Variants in SRGAP1 observed in about 807,000 individuals in gnomAD.
SRGAP1 encodes the protein SLIT-ROBO Rho GTPase-activating protein 1.
A neutral mutation model predicts 121.9 loss-of-function variants in SRGAP1; 43 were observed. That is an observed-to-expected ratio of 0.35 (90% CI 0.28 to 0.46). SRGAP1 has a LOEUF of 0.46. Ranked by LOEUF, SRGAP1 falls within the 20% of genes least tolerant of loss-of-function variation. SRGAP1 has a pLI of 1.00. For missense variants in SRGAP1, 1,102 were observed against 1,350.9 expected (o/e 0.82, Z 2.89); for synonymous variants, 447 against 485.4 (o/e 0.92, Z 1.04).
chr12:63,901,607 C>G (rs2029933028), intron 1 of SRGAP1, among the ~76,000 whole-genome samples: 1 of 152,208 alleles, frequency 6.6e-6, no homozygotes, highest in South Asian at 2.1e-4. Context: ...AGCCCTTAAT[C>G]ACATATTGTT....
intron 1 of SRGAP1, among the ~76,000 whole-genome samples, chr12:63,895,829 G>C (rs568141494): frequency 6.6e-6 from 1 of 152,306 alleles, no homozygotes; most frequent in East Asian, 1.9e-4. Context: ...TTGCCTCTTT[G>C]CTTCATGGGG....
At chr12:63,967,092 G>A (rs1402047896) in intron 1 of SRGAP1, among the ~76,000 whole-genome samples, 9 of 152,134 alleles carry the variant, frequency 5.9e-5, no homozygotes, top group South Asian at 4.1e-4. Flanking sequence ...AATTATTTCT[G>A]TGAGCCGTTT....
In SRGAP1 at chr12:64,069,931, G is replaced by T. The variant is rs183799344; in HGVS notation, c.1125+4712G>T. On this transcript the variant is annotated intron_variant, in intron 8 of 21. Transcript: ENST00000355086. ...CTTTTTTATTATTTGTAGAGACAGG[G>T]TCTCCCTGTGTTCCCCAGGCCGGTT... 1.8e-4 allele frequency among the ~76,000 whole-genome samples: 27 copies of T among 152,268 alleles called. No homozygotes were observed. The East Asian group carries it at 4.8e-3, about 27-fold the overall frequency.
At chr12:63,874,690 T>C (rs1374670057) in intron 1 of SRGAP1, among the ~76,000 whole-genome samples, 2 of 152,184 alleles carry the variant, frequency 1.3e-5, no homozygotes, top group Non-Finnish European at 2.9e-5. Flanking sequence ...AAATTTCCTA[T>C]AACAAATGTG....
chr12:63,865,002 A>C (rs1384722445), intron 1 of SRGAP1, among the ~76,000 whole-genome samples: 2 of 151,978 alleles, frequency 1.3e-5, no homozygotes, highest in Non-Finnish European at 2.9e-5. Context: ...AAAGATAACT[A>C]CTCTTAATGG....
At chr12:63,938,155 C>T (rs2031733059) in intron 1 of SRGAP1, among the ~76,000 whole-genome samples, 1 of 152,204 alleles carries the variant, frequency 6.6e-6, no homozygotes, top group Non-Finnish European at 1.5e-5. Flanking sequence ...GGGAGATGCA[C>T]AGGAGAGTAG....
At chr12:64,032,457 T>C (rs1410852363) in intron 4 of SRGAP1, 39 of 802,312 alleles carry the variant, frequency 4.9e-5, no homozygotes, top group Non-Finnish European at 1.7e-5. Context: ...TGCCCCACCA[T>C]TGGATTGCTT....
intron 4 of SRGAP1, chr12:64,032,552 T>C (rs1042827978): frequency 1.8e-6 from 2 of 1,094,682 alleles, no homozygotes; most frequent in Non-Finnish European, 2.7e-6. Context: ...GGCAGTGCCT[T>C]GACCAGAGCC....
rs1278071616 is a variant in SRGAP1 at position 64,148,219 on chromosome 12, A to G, written c.*5547A>G. ...TCTTTGGTTTCATTTGAATAAATTG[A>G]AAAATAATCCTTAGGTTATTTTTCT... On this transcript the variant is annotated 3_prime_UTR_variant, in exon 22 of 22. Transcript: ENST00000355086. 6.6e-6 allele frequency: 1 copy of G among 152,090 alleles called. No individual in the cohort carries two copies. Among genetic ancestry groups the G allele is most frequent in the Non-Finnish European group, 1.5e-5 (1 of 68,044 alleles). The allele number at this position is 152,090 out of a possible 1,614,324, so 9.4% of individuals were successfully genotyped here. A position where few individuals can be genotyped will look rare whatever the true frequency, so the allele number is the denominator to read the frequency against.
intron 1 of SRGAP1, among the ~76,000 whole-genome samples, chr12:63,913,343 G>A (rs11175207): frequency 4.1e-5 from 6 of 146,782 alleles, no homozygotes; most frequent in Non-Finnish European, 7.5e-5. Context: ...ATTTTTTGTA[G>A]AAACAGGGTT....
chr12:63,985,015 CA>C (rs34037288), intron 2 of SRGAP1, among the ~76,000 whole-genome samples: 53,116 of 108,500 alleles, frequency 0.49, 9,956 homozygotes, highest in East Asian at 0.62. Context: ...GAGTCCATCT[CA>C]AAAAAAAAAA....
chr12:64,050,821 T>G (rs1231032850), intron 6 of SRGAP1, among the ~76,000 whole-genome samples: 1 of 152,060 alleles, frequency 6.6e-6, no homozygotes, highest in Non-Finnish European at 1.5e-5. Context: ...ACCTCCCAGG[T>G]TCAAGCAGTT....
chr12:64,067,034 GA>G (rs11357801), intron 8 of SRGAP1, among the ~76,000 whole-genome samples: 66,871 of 149,404 alleles, frequency 0.45, 16,554 homozygotes, highest in Non-Finnish European at 0.58. Context: ...TTTTTTAAAA[GA>G]AAAAAAAAAG....
At chr12:63,926,553 A>T (rs1256706138) in intron 1 of SRGAP1, among the ~76,000 whole-genome samples, 3 of 152,118 alleles carry the variant, frequency 2.0e-5, no homozygotes, top group African/African-American at 7.2e-5. Flanking sequence ...GATTTTTATT[A>T]TTAATATTAT....
chr12:64,075,408 T>G (rs1054059465), intron 8 of SRGAP1, among the ~76,000 whole-genome samples: 2 of 152,226 alleles, frequency 1.3e-5, no homozygotes, highest in African/African-American at 4.8e-5. Context: ...ACCCACAACC[T>G]TCCAGTGTGG....
At chr12:63,874,446 G>A (rs536887891) in intron 1 of SRGAP1, among the ~76,000 whole-genome samples, 4 of 152,140 alleles carry the variant, frequency 2.6e-5, no homozygotes, top group South Asian at 2.1e-4. Context: ...CTCGTGATCC[G>A]CCTGCCTCGA....
intron 8 of SRGAP1, among the ~76,000 whole-genome samples, chr12:64,070,533 C>T (rs1014768069): frequency 1.3e-5 from 2 of 152,146 alleles, no homozygotes; most frequent in East Asian, 1.9e-4. Flanking sequence ...ATTTACCACC[C>T]TGAGGGGAAT....
At chr12:63,904,520 G>A (rs780512335) in intron 1 of SRGAP1, among the ~76,000 whole-genome samples, 3 of 152,094 alleles carry the variant, frequency 2.0e-5, no homozygotes, top group East Asian at 1.9e-4. Context: ...GCTGTATGTG[G>A]CACTGTCCTT....
At chr12:64,114,584 C>T (rs1473360728) in intron 17 of SRGAP1, among the ~76,000 whole-genome samples, 4 of 152,280 alleles carry the variant, frequency 2.6e-5, no homozygotes, top group Admixed American at 6.5e-5. Context: ...TTCCTGACCT[C>T]AGGTGATCCA....
Sources: gnomAD v4.1 joint callset for allele counts (sites outside exome capture counted in the v4.1 genomes callset) on GRCh38, gnomAD v4.1.1 for gene constraint, MANE v1.5 for transcripts, NCBI Gene and HGNC (gene_info 2026-07-23, HGNC 2026-07-21) for gene names.